The following ZFHX3 variants were observed in gnomAD, a reference collection of about 807,000 sequenced individuals.
The protein encoded by ZFHX3 is zinc finger homeobox 3, also known as zinc finger homeobox protein 3.
ZFHX3 carries 42 observed loss-of-function variants against 279.1 expected under a neutral mutation model. That is an observed-to-expected ratio of 0.15 (90% CI 0.12 to 0.19). ZFHX3 has a LOEUF of 0.19. ZFHX3 is among the 10% of genes least tolerant of loss of function. ZFHX3 has a pLI of 1.00. For synonymous variants in ZFHX3, 2,293 were observed against 1,957.8 expected (o/e 1.17, Z -4.52); for missense variants, 4,981 against 4,754.0 (o/e 1.05, Z -1.40).
At chr16:72,967,511 A>G (rs1293924903) in intron 1 of ZFHX3, among the ~76,000 whole-genome samples, 1 of 151,798 alleles carries the variant, frequency 6.6e-6, no homozygotes, top group Non-Finnish European at 1.5e-5. Flanking sequence ...AAACTCAACT[A>G]ATAAACGTAG....
At chr16:73,181,494 AG>A (rs1351687426) in intron 5 of ZFHX3, among the ~76,000 whole-genome samples, 1 of 152,142 alleles carries the variant, frequency 6.6e-6, no homozygotes, top group Non-Finnish European at 1.5e-5. Context: ...AGGGCAGTAT[AG>A]GTTTATGTCT....
At chr16:73,545,486 G>A (rs2020093403) in intron 2 of ZFHX3, among the ~76,000 whole-genome samples, 1 of 152,102 alleles carries the variant, frequency 6.6e-6, no homozygotes, top group Non-Finnish European at 1.5e-5. Context: ...TTAGCTGAAG[G>A]AGGATGCTTC....
chr16:73,216,649 G>A (rs1400617388), intron 5 of ZFHX3, among the ~76,000 whole-genome samples: 1 of 152,126 alleles, frequency 6.6e-6, no homozygotes, highest in Non-Finnish European at 1.5e-5. Flanking sequence ...TATTGTCCCA[G>A]CTACTCAGGA....
At chr16:73,497,627 G>A (rs767282199) in intron 2 of ZFHX3, among the ~76,000 whole-genome samples, 26 of 152,232 alleles carry the variant, frequency 1.7e-4, no homozygotes, top group Middle Eastern at 3.4e-3. Flanking sequence ...CAATGTTCAC[G>A]CCACTGCACT....
chr16:73,101,004 C>A (rs1181351851), intron 7 of ZFHX3, among the ~76,000 whole-genome samples: 3 of 152,182 alleles, frequency 2.0e-5, no homozygotes, highest in Non-Finnish European at 2.9e-5. Context: ...TTAGGATCCA[C>A]CATGTCCTTG....
intron 1 of ZFHX3, among the ~76,000 whole-genome samples, chr16:73,868,520 T>C (rs922356052): frequency 1.3e-5 from 2 of 152,180 alleles, no homozygotes; most frequent in Admixed American, 1.3e-4. Context: ...CAGGATTCCA[T>C]CTCAAACAAA....
chr16:73,486,348 G>C (rs756567207), intron 2 of ZFHX3, among the ~76,000 whole-genome samples: 2 of 152,208 alleles, frequency 1.3e-5, no homozygotes, highest in African/African-American at 2.4e-5. Flanking sequence ...GGGCTCTTGA[G>C]CCCCTGTGCT....
intron 2 of ZFHX3, among the ~76,000 whole-genome samples, chr16:73,668,640 CTTT>C (rs111584639): frequency 1.4e-5 from 2 of 141,978 alleles, no homozygotes; most frequent in Admixed American, 7.1e-5. Flanking sequence ...TAAACTCATC[CTTT>C]TTTTTTTTTT....
At chr16:73,685,980 T>C (rs139093269) in intron 1 of ZFHX3, among the ~76,000 whole-genome samples, 3 of 152,256 alleles carry the variant, frequency 2.0e-5, no homozygotes, top group Non-Finnish European at 2.9e-5. Flanking sequence ...CATGTATGTG[T>C]AGGAAAAGGC....
intron 2 of ZFHX3, among the ~76,000 whole-genome samples, chr16:73,549,483 A>G (rs574324689): frequency 6.6e-6 from 1 of 152,312 alleles, no homozygotes; most frequent in South Asian, 2.1e-4. Flanking sequence ...TTAGTTCCAA[A>G]TCCAAATAAA....
intron 3 of ZFHX3, among the ~76,000 whole-genome samples, chr16:72,912,710 T>G (rs1374698956): frequency 6.6e-6 from 1 of 152,038 alleles, no homozygotes; most frequent in African/African-American, 2.4e-5. Context: ...CTAAATGAAT[T>G]AAAGATTTTT....
chr16:73,580,335 G>C (rs903032341), intron 2 of ZFHX3, among the ~76,000 whole-genome samples: 2 of 151,836 alleles, frequency 1.3e-5, no homozygotes, highest in Admixed American at 1.3e-4. Flanking sequence ...AAAATTAGCT[G>C]GGTGCGGCGG....
chr16:73,052,820 A>C (rs1965475169), upstream of ZFHX3, among the ~76,000 whole-genome samples: 1 of 152,208 alleles, frequency 6.6e-6, no homozygotes, highest in Admixed American at 6.5e-5. Context: ...AACCATGAGA[A>C]GGCCATCTAA....
rs551897766 is a variant in ZFHX3 at position 73,683,478 on chromosome 16, T to C, written c.-1607-3238A>G. Among the ~76,000 whole-genome samples, 34 of 152,342 alleles carry C rather than the reference T, an allele frequency of 2.2e-4. No homozygotes were observed. The South Asian group carries it at 6.6e-3, about 30-fold the overall frequency. ...ACACTGTCTCAAATCCCCTGGATAA[T>C]TTTCCAACCCTCTATAAAAGCCAAA... On this transcript the variant is annotated intron_variant, in intron 1 of 17. Transcript: ENST00000641206.
At chr16:73,762,084 C>T (rs368942126) in intron 1 of ZFHX3, among the ~76,000 whole-genome samples, 2 of 151,850 alleles carry the variant, frequency 1.3e-5, no homozygotes, top group African/African-American at 4.8e-5. Flanking sequence ...ATGTATCCAT[C>T]TGACAAAGGT....
rs1597234244 is a variant in ZFHX3 at position 73,234,902 on chromosome 16, G to C, written c.-1104+22145C>G. 1.3e-5 allele frequency among the ~76,000 whole-genome samples: 2 copies of C among 152,072 alleles called. 1 individual carries two copies. The highest frequency in any genetic ancestry group is 4.1e-4 in the South Asian group (2 of 4,824). ...TAGGCCTTCCCCAAAGATAGTACTT[G>C]CTTTTATTTTAATCTCTATCATACA... On this transcript the variant is annotated intron_variant, in intron 5 of 17. Transcript: ENST00000641206.
intron 1 of ZFHX3, among the ~76,000 whole-genome samples, chr16:73,007,545 C>G (rs1233542341): frequency 6.6e-6 from 1 of 152,134 alleles, no homozygotes; most frequent in Non-Finnish European, 1.5e-5. Flanking sequence ...CTCCCGGGTT[C>G]ACGCAATTCT....
chr16:73,627,218 C>T (rs2052425435), intron 2 of ZFHX3, among the ~76,000 whole-genome samples: 3 of 152,264 alleles, frequency 2.0e-5, no homozygotes, highest in Middle Eastern at 3.4e-3. Flanking sequence ...ACTGACTCCA[C>T]GTGCTCCAAA....
intron 4 of ZFHX3, among the ~76,000 whole-genome samples, chr16:73,291,355 A>G (rs2014765033): frequency 6.6e-6 from 1 of 152,160 alleles, no homozygotes; most frequent in Non-Finnish European, 1.5e-5. Flanking sequence ...GCTGCCAGTG[A>G]AAAAAAGCTC....
Sources: allele counts gnomAD v4.1 joint callset (sites outside exome capture counted in the v4.1 genomes callset), GRCh38; gene constraint gnomAD v4.1.1; transcripts MANE v1.5; gene names NCBI Gene and HGNC (gene_info 2026-07-23, HGNC 2026-07-21).